MARCHF1: variants seen among roughly 807,000 people sequenced by gnomAD.
The protein encoded by MARCHF1 is membrane associated ring-CH-type finger 1.
A neutral mutation model predicts 54.2 loss-of-function variants in MARCHF1; 40 were observed. The ratio of observed to expected loss-of-function variants is 0.74; its 90% confidence interval spans 0.57 to 0.96. MARCHF1 has a LOEUF of 0.96. MARCHF1 is among the 40% of genes least tolerant of loss of function. The pLI, the probability that MARCHF1 is intolerant of heterozygous loss-of-function variation, is 0.00. For synonymous variants in MARCHF1, 236 were observed against 236.3 expected (o/e 1.00, Z 0.01); for missense variants, 586 against 656.5 (o/e 0.89, Z 1.17).
At chr4:163,594,629 A>G (rs927004129) in intron 7 of MARCHF1, among the ~76,000 whole-genome samples, 26 of 152,252 alleles carry the variant, frequency 1.7e-4, no homozygotes, top group African/African-American at 5.8e-4. Flanking sequence ...CATTTCTCCA[A>G]AGAAGACATA....
At chr4:163,783,110 A>G (rs1236493038) in intron 4 of MARCHF1, among the ~76,000 whole-genome samples, 1 of 152,230 alleles carries the variant, frequency 6.6e-6, no homozygotes, top group Non-Finnish European at 1.5e-5. Context: ...TATAGCTAAT[A>G]TCTATTAGTT....
At chr4:163,566,359 G>A (rs1739645701) in intron 8 of MARCHF1, among the ~76,000 whole-genome samples, 2 of 152,152 alleles carry the variant, frequency 1.3e-5, no homozygotes, top group African/African-American at 4.8e-5. Flanking sequence ...GGACTGGAGG[G>A]ACACATATTA....
intron 5 of MARCHF1, among the ~76,000 whole-genome samples, chr4:163,641,343 A>G (rs1358167801): frequency 1.3e-5 from 2 of 152,158 alleles, no homozygotes; most frequent in Non-Finnish European, 2.9e-5. Context: ...AGTTAGTACA[A>G]TTCCTGTAAT....
At chr4:164,119,535 A>C (rs1296723767) in intron 1 of MARCHF1, among the ~76,000 whole-genome samples, 1 of 151,596 alleles carries the variant, frequency 6.6e-6, no homozygotes, top group Non-Finnish European at 1.5e-5. Flanking sequence ...TAACACAAAA[A>C]TTGAGGTTAA....
intron 1 of MARCHF1, among the ~76,000 whole-genome samples, chr4:164,141,442 C>T (rs1489439296): frequency 2.0e-5 from 3 of 152,228 alleles, no homozygotes; most frequent in East Asian, 3.9e-4. Context: ...AGACAATGTC[C>T]CCCCATCATT....
At chr4:163,750,562 C>A (rs1357939634) in intron 4 of MARCHF1, among the ~76,000 whole-genome samples, 1 of 139,354 alleles carries the variant, frequency 7.2e-6, no homozygotes, top group Non-Finnish European at 1.6e-5. Flanking sequence ...ATAAACGTAT[C>A]TGACAAAGAG....
At chr4:164,118,792 C>G (rs1251579610) in intron 1 of MARCHF1, among the ~76,000 whole-genome samples, 1 of 150,944 alleles carries the variant, frequency 6.6e-6, no homozygotes, top group Non-Finnish European at 1.5e-5. Context: ...AAGTAAAATT[C>G]AGGTCCAAAA....
chr4:163,574,400 C>T (rs1346984627), intron 8 of MARCHF1, among the ~76,000 whole-genome samples: 3 of 151,846 alleles, frequency 2.0e-5, no homozygotes, highest in Admixed American at 2.0e-4. Context: ...GTGCCTATGT[C>T]CTGAATGGTA....
chr4:163,652,938 C>T (rs57394547), intron 5 of MARCHF1, among the ~76,000 whole-genome samples: 15,811 of 151,758 alleles, frequency 0.1, 892 homozygotes, highest in African/African-American at 0.14. Context: ...GTAAATAAAA[C>T]GGAGTTCTTT....
At chr4:164,052,456 CG>C (rs1560880972) in intron 2 of MARCHF1, among the ~76,000 whole-genome samples, 1 of 151,860 alleles carries the variant, frequency 6.6e-6, no homozygotes, top group Admixed American at 6.6e-5. Context: ...CACTTGAACC[CG>C]GGAGGTGGAG....
chr4:164,092,413 G>A (rs919574), intron 2 of MARCHF1, among the ~76,000 whole-genome samples: 123,197 of 152,062 alleles, frequency 0.81, 50,681 homozygotes, highest in Non-Finnish European at 0.89. Context: ...GTGGCAGCTA[G>A]CCTGACAGAA....
chr4:163,735,889 G>C (rs1746021408), intron 4 of MARCHF1, among the ~76,000 whole-genome samples: 1 of 152,106 alleles, frequency 6.6e-6, no homozygotes, highest in African/African-American at 2.4e-5. Flanking sequence ...CTTCATAGGG[G>C]ATACATTACA....
chr4:163,732,976 G>C (rs1332590834), intron 4 of MARCHF1, among the ~76,000 whole-genome samples: 1 of 150,928 alleles, frequency 6.6e-6, no homozygotes, highest in African/African-American at 2.4e-5. Flanking sequence ...ACATGGTGAA[G>C]CCCCGTCTCT....
At chr4:163,588,952 C>A (rs182858848) in intron 7 of MARCHF1, among the ~76,000 whole-genome samples, 1 of 151,672 alleles carries the variant, frequency 6.6e-6, no homozygotes, top group East Asian at 1.9e-4. Flanking sequence ...TCACTCTAAC[C>A]TCTGCAATTA....
Position 164,191,566 on chromosome 4 carries a change from C to G in MARCHF1, c.-322-79904G>C, listed in dbSNP as rs111404208. ...TGAGGAATGCAAGTTTGAATGATGGCTCTAAAGTTGTGTGTCTTCTCTACA... is the reference window on the plus strand; with the variant it reads ...TGAGGAATGCAAGTTTGAATGATGGGTCTAAAGTTGTGTGTCTTCTCTACA... On this transcript the variant is annotated intron_variant, in intron 1 of 9. Transcript: ENST00000514618. Among the ~76,000 whole-genome samples the G allele has an allele frequency of 5.7e-3, 875 of 152,202 alleles. 8 individuals are homozygous for G. The highest frequency in any genetic ancestry group is 0.02 in the African/African-American group (827 of 41,530).
intron 2 of MARCHF1, 85 bp from the exon 3 acceptor site, chr4:163,988,794 AG>A (rs1197156943): frequency 6.6e-6 from 1 of 152,250 alleles, no homozygotes; most frequent in Non-Finnish European, 1.5e-5. Context: ...ACACATTGAA[AG>A]GGGAGTTAAA....
intron 4 of MARCHF1, among the ~76,000 whole-genome samples, chr4:163,843,942 G>A (rs72685638): frequency 2.6e-5 from 4 of 151,236 alleles, no homozygotes; most frequent in South Asian, 2.1e-4. Flanking sequence ...AGAATTGTTC[G>A]CTCATGCCCC....
intron 1 of MARCHF1, among the ~76,000 whole-genome samples, chr4:164,311,154 C>A (rs977845060): frequency 6.6e-5 from 10 of 151,970 alleles, no homozygotes; most frequent in African/African-American, 2.4e-4. Flanking sequence ...AAATAGTATT[C>A]TTTTTAGTTA....
rs1553971149 is a variant in MARCHF1 at position 164,027,392 on chromosome 4, A to AAAAAAAAAAAAAAAAAAAAAT, written c.-247-38684_-247-38683insATTTTTTTTTTTTTTTTTTTT. 1.1e-3 allele frequency among the ~76,000 whole-genome samples: 65 copies of AAAAAAAAAAAAAAAAAAAAAT among 59,006 alleles called. 22 individuals carry two copies. Among genetic ancestry groups the AAAAAAAAAAAAAAAAAAAAAT allele is most frequent in the East Asian group, 2.2e-3 (4 of 1,790 alleles). 38.7% of individuals were successfully genotyped at this position (59,006 alleles called of 152,430 possible). On this transcript the variant is annotated intron_variant, in intron 2 of 9. Transcript: ENST00000514618. ...AAAAAAAAAAAAAAAAAAAAAAAAA[A>AAAAAAAAAAAAAAAAAAAAAT]AGATACATAGATAAATGGATCTATA...
Sources: allele counts gnomAD v4.1 joint callset (sites outside exome capture counted in the v4.1 genomes callset), GRCh38; gene constraint gnomAD v4.1.1; transcripts MANE v1.5; gene names NCBI Gene and HGNC (gene_info 2026-07-23, HGNC 2026-07-21).